The following CRY1 variants were observed in gnomAD, a reference collection of about 807,000 sequenced individuals.
CRY1 encodes cryptochrome-1.
In CRY1, 45 loss-of-function variants were observed where a neutral mutation model predicts 76.0. The observed-to-expected ratio is 0.59, with a 90% CI of 0.47 to 0.76. The LOEUF (loss-of-function observed/expected upper bound fraction) is 0.76. Among genes scored for constraint, CRY1 ranks in the 30% least tolerant of loss-of-function variants. CRY1 has a pLI of 0.00. For missense variants in CRY1, 587 were observed against 716.4 expected (o/e 0.82, Z 2.06); for synonymous variants, 248 against 244.0 (o/e 1.02, Z -0.15).
intron 1 of CRY1, among the ~76,000 whole-genome samples, chr12:107,029,065 A>G (rs1484635477): frequency 6.6e-6 from 1 of 152,162 alleles, no homozygotes; most frequent in African/African-American, 2.4e-5. Flanking sequence ...CAGAAAAACT[A>G]TTTTATTTAC....
rs780190807 is a variant in CRY1, at chr12:107,001,384, G to GA, written c.596-17dup. Reference sequence around the variant, plus strand: ...GTATCAAAACCTACAAGAAAGAAAAGAAAAAAACATCATTCTTCCGAAACT... The same window carrying GA: ...GTATCAAAACCTACAAGAAAGAAAAGAAAAAAAACATCATTCTTCCGAAACT... On this transcript the variant is annotated splice_polypyrimidine_tract_variant and intron_variant, in intron 4 of 12. Transcript: ENST00000008527. 4.4e-6 allele frequency: 7 copies of GA among 1,576,944 alleles called. No homozygotes were observed. Among genetic ancestry groups the GA allele is most frequent in the Middle Eastern group, 1.7e-4 (1 of 5,924 alleles).
At chr12:107,043,003 A>T (rs1052515485) in intron 1 of CRY1, 1 of 152,232 alleles carries the variant, frequency 6.6e-6, no homozygotes, top group African/African-American at 2.4e-5. Flanking sequence ...ACTAGGCTCC[A>T]CACCCTGCAG....
intron 1 of CRY1, chr12:107,043,072 G>A (rs554191941): frequency 3.0e-4 from 45 of 152,232 alleles, no homozygotes; most frequent in African/African-American, 1.1e-3. Flanking sequence ...AGGGTGTCTT[G>A]CTCTGGCGGT....
At chr12:107,033,932 G>C (rs56185477) in intron 1 of CRY1, among the ~76,000 whole-genome samples, 20,518 of 150,422 alleles carry the variant, frequency 0.14, 2,511 homozygotes, top group African/African-American at 0.32. Flanking sequence ...CACATTTTGA[G>C]TGCTGACACT....
intron 2 of CRY1, among the ~76,000 whole-genome samples, chr12:107,006,887 A>G (rs1952382672): frequency 6.6e-6 from 1 of 152,104 alleles, no homozygotes; most frequent in African/African-American, 2.4e-5. Flanking sequence ...CCTGACCTCC[A>G]TCTACCTCGG....
intron 3 of CRY1, among the ~76,000 whole-genome samples, chr12:107,004,580 C>T (rs573141640): frequency 6.6e-6 from 1 of 152,196 alleles, no homozygotes; most frequent in East Asian, 1.9e-4. Flanking sequence ...GGAAGAAATA[C>T]ACTTTGGGAA....
chr12:107,018,989 T>C (rs1952525146), intron 2 of CRY1, among the ~76,000 whole-genome samples: 1 of 152,184 alleles, frequency 6.6e-6, no homozygotes, highest in African/African-American at 2.4e-5. Flanking sequence ...TAACTAAGGG[T>C]ACTGTTACCA....
intron 5 of CRY1, among the ~76,000 whole-genome samples, chr12:107,001,041 G>C (rs941496990): frequency 3.9e-5 from 6 of 152,050 alleles, no homozygotes; most frequent in African/African-American, 1.4e-4. Context: ...TAGGTAGAAA[G>C]AACAGAAGAG....
chr12:107,017,385 A>T (rs1952508129), intron 2 of CRY1, among the ~76,000 whole-genome samples: 1 of 152,180 alleles, frequency 6.6e-6, no homozygotes, highest in Non-Finnish European at 1.5e-5. Context: ...TGGAATTGTT[A>T]ATTCTCAAAA....
At chr12:107,026,142 T>G (rs1305867692) in intron 1 of CRY1, among the ~76,000 whole-genome samples, 89 of 78,926 alleles carry the variant, frequency 1.1e-3, no homozygotes, top group African/African-American at 1.7e-3. Flanking sequence ...TACATATATA[T>G]TACATATATA....
intron 2 of CRY1, among the ~76,000 whole-genome samples, chr12:107,010,798 G>A (rs371226903): frequency 0.014 from 1,035 of 76,000 alleles, 18 homozygotes; most frequent in African/African-American, 0.03. Flanking sequence ...GCCATGAATT[G>A]CACCCATAAA....
Position 106,991,867 on chromosome 12 carries a change from G to C in CRY1, c.*135C>G, listed in dbSNP as rs2136813437. 1 of 152,606 alleles carries C rather than the reference G, an allele frequency of 6.6e-6. No homozygotes were observed. Among genetic ancestry groups the C allele is most frequent in the South Asian group, 2.1e-4 (1 of 4,826 alleles). 9.5% of individuals were successfully genotyped at this position (152,606 alleles called of 1,614,324 possible). A position where few individuals can be genotyped will look rare whatever the true frequency, so the allele number is the denominator to read the frequency against. ...ATTCATTAAAAAGTTAAAAACCACA[G>C]AAATGTCATTAGAAACAACATATTT... On this transcript the variant is annotated 3_prime_UTR_variant, in exon 13 of 13. Coordinates refer to ENST00000008527, the MANE Select transcript of CRY1 (RefSeq NM_004075.5).
intron 2 of CRY1, among the ~76,000 whole-genome samples, chr12:107,017,935 T>C (rs781137831): frequency 6.6e-6 from 1 of 152,186 alleles, no homozygotes; most frequent in Non-Finnish European, 1.5e-5. Flanking sequence ...CTACAGCACA[T>C]ATCACCACCT....
intron 1 of CRY1, among the ~76,000 whole-genome samples, chr12:107,079,049 C>G (rs984611122): frequency 2.0e-5 from 3 of 152,176 alleles, no homozygotes; most frequent in Admixed American, 6.6e-5. Flanking sequence ...TTTCCCCAAA[C>G]AAGGGCAGCT....
chr12:107,053,569 C>T (rs748413351), intron 1 of CRY1, among the ~76,000 whole-genome samples: 1 of 152,148 alleles, frequency 6.6e-6, no homozygotes, highest in Non-Finnish European at 1.5e-5. Context: ...TTGCCTGCCT[C>T]GGCCTCCCAA....
chr12:107,079,073 C>A (rs979188659), intron 1 of CRY1, among the ~76,000 whole-genome samples: 18 of 152,164 alleles, frequency 1.2e-4, no homozygotes, highest in Admixed American at 9.8e-4. Flanking sequence ...CTGAACTATA[C>A]CCACTTATCT....
chr12:107,078,323 C>G (rs1337992769), intron 1 of CRY1, among the ~76,000 whole-genome samples: 1 of 151,946 alleles, frequency 6.6e-6, no homozygotes, highest in Non-Finnish European at 1.5e-5. Flanking sequence ...TTCCTTTTCC[C>G]ACCTCTAAGT....
intron 2 of CRY1, among the ~76,000 whole-genome samples, chr12:107,006,536 T>C (rs116384782): frequency 0.023 from 3,478 of 152,100 alleles, 48 homozygotes; most frequent in African/African-American, 0.039. Flanking sequence ...TCTGATAGGC[T>C]GTCAAATTAT....
In CRY1 at chr12:107,092,915, T is replaced by C. The variant is rs770364235; in HGVS notation, c.47A>G (p.His16Arg). Residue 16 changes from histidine (H) to arginine (R), a missense_variant, in exon 1 of 13, where the codon CAC (histidine) becomes CGC (arginine). Transcript: ENST00000008527. Reference sequence around the variant, plus strand: ...GCACTCCTTCAGGGCGGGGTTGTCGTGGAGCCGGAGCCCCTTTCGGAACCA... The same window carrying C: ...GCACTCCTTCAGGGCGGGGTTGTCGCGGAGCCGGAGCCCCTTTCGGAACCA... ...VHWFRKGLRL[H>R]DNPALKECIQ... The C allele has an allele frequency of 6.2e-7, 1 of 1,606,298 alleles. No homozygotes were observed. The highest frequency in any genetic ancestry group is 8.5e-7 in the Non-Finnish European group (1 of 1,177,326).
Sources: gnomAD v4.1 joint callset for allele counts (sites outside exome capture counted in the v4.1 genomes callset) on GRCh38, gnomAD v4.1.1 for gene constraint, MANE v1.5 for transcripts, NCBI Gene and HGNC (gene_info 2026-07-23, HGNC 2026-07-21) for gene names.